TENM4: variants seen among roughly 807,000 people sequenced by gnomAD.
TENM4 encodes the protein teneurin-4.
Under a neutral mutation model 243.3 loss-of-function variants are expected in TENM4, and 82 were observed. The ratio of observed to expected loss-of-function variants is 0.34; its 90% confidence interval spans 0.28 to 0.40. The LOEUF is 0.40. TENM4 is among the 10% of genes least tolerant of loss of function. The pLI is 1.00. For synonymous variants in TENM4, 1,412 were observed against 1,456.3 expected (o/e 0.97, Z 0.69); for missense variants, 3,138 against 3,673.3 (o/e 0.85, Z 3.77).
At chr11:79,295,870 T>A (rs1183003043) in intron 2 of TENM4, among the ~76,000 whole-genome samples, 7 of 129,842 alleles carry the variant, frequency 5.4e-5, no homozygotes, top group Non-Finnish European at 9.8e-5. Context: ...TTTTTTTTTT[T>A]AATAAGAATT....
chr11:79,178,603 G>A (rs1289389996), intron 3 of TENM4, among the ~76,000 whole-genome samples: 1 of 152,166 alleles, frequency 6.6e-6, no homozygotes, highest in African/African-American at 2.4e-5. Flanking sequence ...GTCATATGAG[G>A]ACTGAGCAAG....
chr11:78,787,043 T>G lies in TENM4; in HGVS notation c.2220A>C (p.Val740=), dbSNP rs1470835956. Residue 740 remains valine (V), a synonymous_variant, in exon 16 of 34, where the codon GTA becomes GTC. Transcript: ENST00000278550. ...AADCGGHGVC[V]GGTCRCEDGW... ...CATCCTCGCAGCGGCAGGTGCCCCC[T>G]ACGCACACGCCATGGCCACCACAGT... The G allele has an allele frequency of 1.2e-5, 19 of 1,552,526 alleles. No individual in the cohort carries two copies. Among genetic ancestry groups the G allele is most frequent in the Non-Finnish European group, 1.6e-5 (18 of 1,147,898 alleles).
intron 6 of TENM4, among the ~76,000 whole-genome samples, chr11:79,016,545 T>C (rs1252606234): frequency 6.6e-6 from 1 of 152,160 alleles, no homozygotes; most frequent in Non-Finnish European, 1.5e-5. Flanking sequence ...CAACAAATGG[T>C]TGGAAACAGA....
In TENM4 at chr11:78,661,521, G is replaced by C. The variant is rs1467437793; in HGVS notation, c.7479C>G (p.Asp2493Glu). ...HNVIPGYPKP[D>E]MDAMEPSYEL... ...CGTAGGAGGGTTCCATGGCATCCAT[G>C]TCTGGTTTGGGATAACCAGGGATCA... Residue 2493 changes from aspartate (D) to glutamate (E), a missense_variant, in exon 33 of 34, where the codon GAC (aspartate) becomes GAG (glutamate). By Grantham distance (45) the Asp-to-Glu change is conservative. Coordinates refer to ENST00000278550, the MANE Select transcript of TENM4 (RefSeq NM_001098816.3). 1.2e-6 allele frequency: 2 copies of C among 1,612,984 alleles called. No individual in the cohort carries two copies. Among genetic ancestry groups the C allele is most frequent in the South Asian group, 2.2e-5 (2 of 90,592 alleles).
At chr11:78,820,676 G>T (rs1330645483) in intron 12 of TENM4, among the ~76,000 whole-genome samples, 2 of 152,172 alleles carry the variant, frequency 1.3e-5, no homozygotes, top group Admixed American at 1.3e-4. Context: ...TGGGTTTCTG[G>T]GGGGTAAACC....
chr11:78,671,285 G>GTT (rs34899719), intron 31 of TENM4, among the ~76,000 whole-genome samples: 1 of 151,130 alleles, frequency 6.6e-6, no homozygotes, highest in African/African-American at 2.4e-5. Flanking sequence ...GACCTCCAAG[G>GTT]TCTCTCTCTC....
intron 6 of TENM4, among the ~76,000 whole-genome samples, chr11:78,970,397 T>A (rs1352747172): frequency 6.6e-6 from 1 of 152,210 alleles, no homozygotes; most frequent in Non-Finnish European, 1.5e-5. Context: ...TGACTATTCG[T>A]TCGGGTTTGT....
rs751350376 is a variant in TENM4 at position 78,862,994 on chromosome 11, G to T, written c.1223C>A (p.Thr408Asn). ...GGTTCCTTTGCCTTTCCTGTCAGGG[G>T]TCTCTAAGCCAGTGCCCCCTGAGGG... ...LYPSGGTGLE[T>N]PDRKGKGTTE... Residue 408 changes from threonine to asparagine, a missense_variant, in exon 10 of 34, where the codon ACC becomes AAC. Around this residue, in one of 2 missense-constraint regions of TENM4, gnomAD observed 671 missense variants for 614.1 expected, o/e 1.09. Transcript: ENST00000278550. 6.6e-5 allele frequency: 99 copies of T among 1,491,998 alleles called. No individual in the cohort carries two copies. In the South Asian group the frequency reaches 1.1e-3, roughly 16 times the overall value. The allele number at this position is 1,491,998 out of a possible 1,614,324, so 92.4% of individuals were successfully genotyped here.
At chr11:79,160,462 C>T (rs760269945) in intron 3 of TENM4, among the ~76,000 whole-genome samples, 1 of 152,054 alleles carries the variant, frequency 6.6e-6, no homozygotes, top group African/African-American at 2.4e-5. Flanking sequence ...GGGAGAGCCT[C>T]TCTTCTCCAG....
At chr11:78,822,979 A>G (rs1038506030) in intron 12 of TENM4, among the ~76,000 whole-genome samples, 1 of 152,138 alleles carries the variant, frequency 6.6e-6, no homozygotes, top group Non-Finnish European at 1.5e-5. Context: ...GGGAGCCTCA[A>G]GCGGCCCCGA....
chr11:79,086,411 A>G (rs7933586), intron 4 of TENM4, among the ~76,000 whole-genome samples: 134,027 of 152,294 alleles, frequency 0.88, 59,330 homozygotes, highest in Middle Eastern at 0.96. Context: ...ACCAACATGC[A>G]GTCATTTTAA....
chr11:79,102,229 AG>A (rs1861250117), intron 4 of TENM4, among the ~76,000 whole-genome samples: 1 of 152,182 alleles, frequency 6.6e-6, no homozygotes. Context: ...CCATTTTCTG[AG>A]GGAAAAATAA....
At chr11:79,079,063 C>T (rs553841222) in intron 4 of TENM4, among the ~76,000 whole-genome samples, 5 of 152,212 alleles carry the variant, frequency 3.3e-5, no homozygotes, top group Admixed American at 6.5e-5. Context: ...CTGGGAGAAG[C>T]GCTTTTACAG....
intron 6 of TENM4, among the ~76,000 whole-genome samples, chr11:79,027,402 C>T (rs1205804312): frequency 6.6e-6 from 1 of 152,192 alleles, no homozygotes; most frequent in Non-Finnish European, 1.5e-5. Flanking sequence ...CACAACTCTT[C>T]TGTGGCAGAG....
chr11:79,160,312 T>C (rs1862716134), intron 3 of TENM4, among the ~76,000 whole-genome samples: 1 of 152,214 alleles, frequency 6.6e-6, no homozygotes, highest in Admixed American at 6.5e-5. Context: ...ACTTTCACCC[T>C]CTAATGATAG....
chr11:78,881,330 G>A (rs565091962), intron 9 of TENM4, among the ~76,000 whole-genome samples: 2 of 152,294 alleles, frequency 1.3e-5, no homozygotes, highest in South Asian at 4.2e-4. Flanking sequence ...TGGATCAATG[G>A]TTCCCTTGAG....
At chr11:78,935,874 T>G (rs752521732) in intron 6 of TENM4, among the ~76,000 whole-genome samples, 1 of 152,204 alleles carries the variant, frequency 6.6e-6, no homozygotes, top group East Asian at 1.9e-4. Context: ...TTTGCAACCG[T>G]TGAATGGAGC....
chr11:78,733,162 T>C (rs989212707), intron 20 of TENM4, among the ~76,000 whole-genome samples: 2 of 152,208 alleles, frequency 1.3e-5, no homozygotes, highest in Non-Finnish European at 2.9e-5. Context: ...AATTACAAAA[T>C]AGCTAAGCAG....
intron 12 of TENM4, among the ~76,000 whole-genome samples, chr11:78,847,315 C>T (rs918910091): frequency 5.3e-5 from 8 of 152,208 alleles, no homozygotes; most frequent in African/African-American, 1.9e-4. Flanking sequence ...CCTGCCCTTG[C>T]AATTCCAGGT....
Sources: allele counts gnomAD v4.1 joint callset (sites outside exome capture counted in the v4.1 genomes callset), GRCh38; gene constraint gnomAD v4.1.1; regional missense constraint gnomAD v4.1.1; transcripts MANE v1.5; gene names NCBI Gene and HGNC (gene_info 2026-07-23, HGNC 2026-07-21).